The following CPED1 variants were observed in gnomAD, a reference collection of about 807,000 sequenced individuals.
CPED1 encodes the protein cadherin-like and PC-esterase domain-containing protein 1.
In CPED1, 114 loss-of-function variants were observed where a neutral mutation model predicts 128.2. That is an observed-to-expected ratio of 0.89 (90% CI 0.76 to 1.04). The LOEUF (loss-of-function observed/expected upper bound fraction) is 1.04. CPED1 is among the 50% of genes least tolerant of loss of function. The probability of loss-of-function intolerance (pLI) is 0.00; values close to 1 mark genes in which losing one functional copy is unlikely to be tolerated. For missense variants in CPED1, 1,211 were observed against 1,207.1 expected (o/e 1.00, Z -0.05); for synonymous variants, 462 against 426.7 (o/e 1.08, Z -1.02).
chr7:121,152,873 T>C (rs1310830778), intron 16 of CPED1, among the ~76,000 whole-genome samples: 1 of 152,232 alleles, frequency 6.6e-6, no homozygotes, highest in Non-Finnish European at 1.5e-5. Flanking sequence ...TACATTTTTG[T>C]AATGAATGTG....
At chr7:121,161,863 G>T (rs1796419509) in intron 16 of CPED1, among the ~76,000 whole-genome samples, 1 of 152,132 alleles carries the variant, frequency 6.6e-6, no homozygotes, top group Non-Finnish European at 1.5e-5. Flanking sequence ...AACATAGCAG[G>T]ATAGTAGCAG....
At chr7:121,223,290 C>A (rs1466068708) in intron 16 of CPED1, among the ~76,000 whole-genome samples, 1 of 152,194 alleles carries the variant, frequency 6.6e-6, no homozygotes, top group African/African-American at 2.4e-5. Context: ...ACCAGCCTTG[C>A]ATCCCAGGGA....
At chr7:121,031,595 G>A (rs61182886) in intron 3 of CPED1, among the ~76,000 whole-genome samples, 2,514 of 152,240 alleles carry the variant, frequency 0.017, 31 homozygotes, top group African/African-American at 0.037. Flanking sequence ...GCCAGTCTCT[G>A]CCAATTTCTC....
chr7:121,069,357 A>G (rs949121063), intron 5 of CPED1, among the ~76,000 whole-genome samples: 1 of 152,162 alleles, frequency 6.6e-6, no homozygotes, highest in African/African-American at 2.4e-5. Context: ...GAAATCCCAT[A>G]ATTCTGCTGT....
chr7:121,225,686 C>CT (rs1797989896), intron 16 of CPED1, among the ~76,000 whole-genome samples: 2 of 152,092 alleles, frequency 1.3e-5, no homozygotes, highest in African/African-American at 4.8e-5. Flanking sequence ...TCTTTTTACT[C>CT]TTTTTTCTCT....
intron 16 of CPED1, among the ~76,000 whole-genome samples, chr7:121,211,313 G>A (rs1797635341): frequency 6.6e-6 from 1 of 152,114 alleles, no homozygotes; most frequent in Non-Finnish European, 1.5e-5. Flanking sequence ...CTGGGGCAAG[G>A]CAGAGGGACT....
chr7:121,102,545 C>A lies in CPED1; in HGVS notation c.918+2451C>A, dbSNP rs537253363. Among the ~76,000 whole-genome samples, 3 of 152,230 alleles carry A rather than the reference C, an allele frequency of 2.0e-5. No homozygotes were observed. In the South Asian group the frequency reaches 6.2e-4, roughly 32 times the overall value. Reference sequence around the variant, plus strand: ...GCACAGGGAGGAAGCACATCTTCCTCCGTTATATGTCATCAAGGCTGAAGG... The same window carrying A: ...GCACAGGGAGGAAGCACATCTTCCTACGTTATATGTCATCAAGGCTGAAGG... On this transcript the variant is annotated intron_variant, in intron 7 of 22. Transcript: ENST00000310396.
chr7:121,245,383 A>G lies in CPED1; in HGVS notation c.2310+1045A>G, dbSNP rs538157921. ...ACTTATGTTGCAGTGTTATTAATTG[A>G]GCATTGATTTTGTGCAAGAAACTGT... On this transcript the variant is annotated intron_variant, in intron 18 of 22. Transcript: ENST00000310396. 3.3e-5 allele frequency among the ~76,000 whole-genome samples: 5 copies of G among 152,222 alleles called. 1 individual carries two copies. The highest frequency in any genetic ancestry group is 1.2e-4 in the African/African-American group (5 of 41,558).
intron 16 of CPED1, among the ~76,000 whole-genome samples, chr7:121,235,960 G>A (rs969483671): frequency 3.9e-5 from 6 of 152,112 alleles, no homozygotes; most frequent in Non-Finnish European, 7.4e-5. Context: ...TAGACTGAGA[G>A]AACCCAGTGA....
intron 3 of CPED1, among the ~76,000 whole-genome samples, chr7:121,033,259 G>A (rs772366175): frequency 6.6e-6 from 1 of 152,112 alleles, no homozygotes; most frequent in Non-Finnish European, 1.5e-5. Flanking sequence ...TGAGGGTGTG[G>A]GTCAGGGTTA....
At chr7:121,238,844 T>A (rs995585748) in intron 17 of CPED1, among the ~76,000 whole-genome samples, 1 of 151,910 alleles carries the variant, frequency 6.6e-6, no homozygotes, top group Admixed American at 6.6e-5. Flanking sequence ...ATTATAGGCT[T>A]CTCTAGAGAA....
intron 12 of CPED1, among the ~76,000 whole-genome samples, chr7:121,133,544 T>C (rs1229178170): frequency 4.6e-5 from 7 of 152,092 alleles, no homozygotes; most frequent in African/African-American, 1.7e-4. Flanking sequence ...ATCACTTCTA[T>C]TGGACCCAAG....
At chr7:121,129,350 T>C (rs557625245) in intron 11 of CPED1, among the ~76,000 whole-genome samples, 93 of 131,496 alleles carry the variant, frequency 7.1e-4, no homozygotes, top group African/African-American at 2.1e-3. Context: ...TATATATATA[T>C]ACATACATAC....
chr7:121,152,949 C>A (rs1796192364), intron 16 of CPED1, among the ~76,000 whole-genome samples: 1 of 152,072 alleles, frequency 6.6e-6, no homozygotes, highest in Non-Finnish European at 1.5e-5. Context: ...TTGACAGTTG[C>A]ATGATTAATG....
At chr7:120,994,738 T>C (rs1796366935) in intron 2 of CPED1, among the ~76,000 whole-genome samples, 1 of 151,656 alleles carries the variant, frequency 6.6e-6, no homozygotes, top group South Asian at 2.1e-4. Flanking sequence ...ATGTTGGAAA[T>C]GTGCACATGA....
rs1228031038 is a variant in CPED1, at chr7:121,086,803, G to A, written c.617-10896G>A. ...TGGATAAGGGTGGCCATGAACTTTT[G>A]CCACTTTTCACTCCAGATCCATGAA... On this transcript the variant is annotated intron_variant, in intron 5 of 22. Coordinates refer to ENST00000310396, the MANE Select transcript of CPED1 (RefSeq NM_024913.5). Among the ~76,000 whole-genome samples, 7 of 152,302 alleles carry A rather than the reference G, an allele frequency of 4.6e-5. No homozygotes were observed. The East Asian group carries it at 1.4e-3, about 29-fold the overall frequency.
chr7:121,231,654 G>A (rs1798143167), intron 16 of CPED1, among the ~76,000 whole-genome samples: 4 of 152,028 alleles, frequency 2.6e-5, no homozygotes, highest in Admixed American at 2.6e-4. Flanking sequence ...TTGGAGAGTT[G>A]CTGTGTACCA....
At chr7:121,109,281 C>T (rs1000308870) in intron 7 of CPED1, among the ~76,000 whole-genome samples, 4 of 152,160 alleles carry the variant, frequency 2.6e-5, no homozygotes, top group South Asian at 4.1e-4. Flanking sequence ...CTCTATGGAG[C>T]GTCTGCCTAT....
chr7:121,182,517 C>CCTCCCTCCCTTTTTCT (rs1796922016), intron 16 of CPED1, among the ~76,000 whole-genome samples: 1 of 151,616 alleles, frequency 6.6e-6, no homozygotes, highest in Non-Finnish European at 1.5e-5. Flanking sequence ...TCCCTCTCTT[C>CCTCCCTCCCTTTTTCT]CTCCCTCCCT....
Sources: gnomAD v4.1 joint callset for allele counts (sites outside exome capture counted in the v4.1 genomes callset) on GRCh38, gnomAD v4.1.1 for gene constraint, MANE v1.5 for transcripts, NCBI Gene and HGNC (gene_info 2026-07-23, HGNC 2026-07-21) for gene names.